Variants in CNTN5 observed in about 807,000 individuals in gnomAD.
CNTN5 encodes contactin-5.
Under a neutral mutation model 129.1 loss-of-function variants are expected in CNTN5, and 77 were observed. The ratio of observed to expected loss-of-function variants is 0.60; its 90% confidence interval spans 0.50 to 0.72. The LOEUF (loss-of-function observed/expected upper bound fraction) is 0.72. Ranked by LOEUF, CNTN5 falls within the 30% of genes least tolerant of loss-of-function variation. The pLI, the probability that CNTN5 is intolerant of heterozygous loss-of-function variation, is 0.00. For synonymous variants in CNTN5, 509 were observed against 465.6 expected (o/e 1.09, Z -1.20); for missense variants, 1,478 against 1,328.8 (o/e 1.11, Z -1.75).
At chr11:99,846,880 A>G (rs1015770665) in intron 6 of CNTN5, among the ~76,000 whole-genome samples, 7 of 152,226 alleles carry the variant, frequency 4.6e-5, no homozygotes, top group Non-Finnish European at 1.0e-4. Context: ...GTACATTTAC[A>G]TAGGCCAAAG....
intron 3 of CNTN5, among the ~76,000 whole-genome samples, chr11:99,579,270 T>G: frequency 6.6e-6 from 1 of 151,154 alleles, no homozygotes; most frequent in Admixed American, 6.6e-5. Context: ...GCGTGATGCC[T>G]CCAGCTTTGT....
At chr11:99,998,829 C>T (rs1939642765) in intron 8 of CNTN5, among the ~76,000 whole-genome samples, 1 of 151,028 alleles carries the variant, frequency 6.6e-6, no homozygotes, top group Non-Finnish European at 1.5e-5. Context: ...TGGAACAGAA[C>T]AGAGCCCTCA....
chr11:100,062,849 A>G (rs975187863), intron 10 of CNTN5, among the ~76,000 whole-genome samples: 21 of 152,346 alleles, frequency 1.4e-4, no homozygotes, highest in African/African-American at 5.0e-4. Context: ...AATCATTAAG[A>G]CAACGCTCTC....
At chr11:99,696,775 T>G (rs670774) in intron 3 of CNTN5, among the ~76,000 whole-genome samples, 2 of 152,054 alleles carry the variant, frequency 1.3e-5, no homozygotes, top group African/African-American at 2.4e-5. Flanking sequence ...TATCTTGGTT[T>G]GGCAGTGTCC....
At chr11:99,150,120 T>C (rs1036536102) in intron 1 of CNTN5, among the ~76,000 whole-genome samples, 1 of 152,088 alleles carries the variant, frequency 6.6e-6, no homozygotes. Flanking sequence ...GTTTGAAATG[T>C]AGTTCTTTTC....
intron 1 of CNTN5, among the ~76,000 whole-genome samples, chr11:99,073,925 G>A (rs1204569576): frequency 6.6e-6 from 1 of 152,002 alleles, no homozygotes; most frequent in Non-Finnish European, 1.5e-5. Flanking sequence ...GGTATTTCTG[G>A]TTCTAGATCC....
intron 2 of CNTN5, among the ~76,000 whole-genome samples, chr11:99,413,711 G>A (rs139416945): frequency 2.2e-4 from 33 of 152,020 alleles, no homozygotes; most frequent in South Asian, 2.1e-4. Flanking sequence ...TTCAAAATTC[G>A]TTTTTTTCTC....
intron 1 of CNTN5, among the ~76,000 whole-genome samples, chr11:99,303,892 C>G (rs1220313928): frequency 6.6e-6 from 1 of 152,048 alleles, no homozygotes; most frequent in South Asian, 2.1e-4. Context: ...TTAGTAACAC[C>G]ATAGTGTCTA....
At chr11:99,132,616 A>C (rs775752949) in intron 1 of CNTN5, among the ~76,000 whole-genome samples, 4 of 152,118 alleles carry the variant, frequency 2.6e-5, no homozygotes, top group Non-Finnish European at 5.9e-5. Flanking sequence ...AACAACAGGC[A>C]AGCAGAGAGC....
In CNTN5 at chr11:100,350,694, A is replaced by T; in HGVS notation, c.3031-8A>T. 6.3e-7 allele frequency: 1 copy of T among 1,596,396 alleles called. No homozygotes were observed. The highest frequency in any genetic ancestry group is 8.5e-7 in the Non-Finnish European group (1 of 1,170,194). ...TATCAAATGTCTAAACCTTGTTATTACTCTCAGGTTTTTTATAGGCAAGAG... is the reference window on the plus strand; with the variant it reads ...TATCAAATGTCTAAACCTTGTTATTTCTCTCAGGTTTTTTATAGGCAAGAG... On this transcript the variant is annotated splice_polypyrimidine_tract_variant and splice_region_variant and intron_variant, in intron 23 of 24. Transcript: ENST00000524871.
At chr11:100,342,158 C>CACACACAA (rs1285513371) in intron 23 of CNTN5, among the ~76,000 whole-genome samples, 1 of 115,832 alleles carries the variant, frequency 8.6e-6, no homozygotes, top group Admixed American at 8.2e-5. Flanking sequence ...CACAGACACA[C>CACACACAA]ACACACACAC....
chr11:99,662,025 T>C (rs1157604682), intron 3 of CNTN5, among the ~76,000 whole-genome samples: 1 of 152,164 alleles, frequency 6.6e-6, no homozygotes, highest in Non-Finnish European at 1.5e-5. Flanking sequence ...TGACAAGTAA[T>C]ACCTACAAGT....
At chr11:99,239,673 C>T (rs1441236407) in intron 1 of CNTN5, among the ~76,000 whole-genome samples, 1 of 152,158 alleles carries the variant, frequency 6.6e-6, no homozygotes, top group Non-Finnish European at 1.5e-5. Flanking sequence ...CGGTGGCTCA[C>T]GCCTGTAATC....
At chr11:99,921,292 C>T (rs1033776856) in intron 7 of CNTN5, among the ~76,000 whole-genome samples, 6 of 152,140 alleles carry the variant, frequency 3.9e-5, no homozygotes, top group African/African-American at 1.4e-4. Flanking sequence ...CTACTGCTTT[C>T]CCTCCTACTC....
intron 3 of CNTN5, among the ~76,000 whole-genome samples, chr11:99,676,643 C>T (rs1374290501): frequency 1.3e-5 from 2 of 151,834 alleles, no homozygotes; most frequent in Admixed American, 1.3e-4. Flanking sequence ...ATTTGGTAGT[C>T]GTTAAGAAAA....
At position 100,300,070 on chromosome 11, in the gene CNTN5, C is replaced by A. The variant is rs76365147; in HGVS notation, c.2620+674C>A. On this transcript the variant is annotated intron_variant, in intron 20 of 24. Transcript: ENST00000524871. ...TAACTTGCTGCCTTCATATGCATGA[C>A]CATGTTTAATTCACAAGATAGAACT... Among the ~76,000 whole-genome samples the A allele has an allele frequency of 4.3e-3, 658 of 151,546 alleles. 13 individuals are homozygous for A. The highest frequency in any genetic ancestry group is 0.031 in the Admixed American group (467 of 15,188).
intron 8 of CNTN5, among the ~76,000 whole-genome samples, chr11:99,971,969 G>A (rs958730337): frequency 1.7e-4 from 26 of 149,688 alleles, no homozygotes; most frequent in Non-Finnish European, 2.8e-4. Context: ...AAAAAAAACG[G>A]GTGGGAGCGG....
chr11:99,107,364 A>C (rs1404084043), intron 1 of CNTN5, among the ~76,000 whole-genome samples: 3 of 152,146 alleles, frequency 2.0e-5, no homozygotes, highest in Admixed American at 2.0e-4. Context: ...TTTAAAATAG[A>C]TTTTTAAAAC....
At chr11:99,153,562 C>T (rs1449179009) in intron 1 of CNTN5, among the ~76,000 whole-genome samples, 1 of 147,868 alleles carries the variant, frequency 6.8e-6, no homozygotes, top group South Asian at 2.1e-4. Context: ...TCCATAGATT[C>T]CTTGGATTCG....
Sources: gnomAD v4.1 joint callset for allele counts (sites outside exome capture counted in the v4.1 genomes callset) on GRCh38, gnomAD v4.1.1 for gene constraint, MANE v1.5 for transcripts, NCBI Gene and HGNC (gene_info 2026-07-23, HGNC 2026-07-21) for gene names.